PINK1: variants seen among roughly 807,000 people sequenced by gnomAD.
PINK1 encodes PTEN induced kinase 1.
A neutral mutation model predicts 56.0 loss-of-function variants in PINK1; 58 were observed. That is an observed-to-expected ratio of 1.04 (90% CI 0.84 to 1.29). The LOEUF (loss-of-function observed/expected upper bound fraction) is 1.29. Among genes scored for constraint, PINK1 ranks in the 50% most tolerant of loss-of-function variants. The probability of loss-of-function intolerance (pLI) is 0.00; values close to 1 mark genes in which losing one functional copy is unlikely to be tolerated. For missense variants in PINK1, 745 were observed against 777.9 expected (o/e 0.96, Z 0.50); for synonymous variants, 354 against 339.3 (o/e 1.04, Z -0.48).
intron 5 of PINK1, 63 bp downstream of exon 5, chr1:20,645,786 A>T (rs959462988): frequency 1.9e-5 from 31 of 1,598,372 alleles, no homozygotes; most frequent in Non-Finnish European, 2.5e-5. Flanking sequence ...AGGAGCATTT[A>T]GGACTGACTC....
chr1:20,644,381 G>GT, intron 3 of PINK1, 109 bp from the exon 4 acceptor site: 1 of 1,241,604 alleles, frequency 8.1e-7, no homozygotes. Flanking sequence ...ACATTTGATA[G>GT]TAAGTGAATA....
intron 4 of PINK1, 84 bp downstream of exon 4, chr1:20,644,756 CA>C (rs1288469843): frequency 4.6e-6 from 7 of 1,529,188 alleles, no homozygotes; most frequent in South Asian, 2.3e-5. Context: ...GCACCTTGAT[CA>C]GGGGGTTTTG....
rs1208579417 is a variant in PINK1 at position 20,651,472 on chromosome 1, A to AAATC, written c.*783_*786dup. On this transcript the variant is annotated 3_prime_UTR_variant, in exon 8 of 8. Coordinates refer to ENST00000321556, the MANE Select transcript of PINK1 (RefSeq NM_032409.3). ...CATGATTTTTAGGAAGCTATTGCCT[A>AAATC]AATCAGCGTCAACATGCAGTAAAGG... The AAATC allele has an allele frequency of 6.6e-6, 1 of 152,480 alleles. No homozygotes were observed. Among genetic ancestry groups the AAATC allele is most frequent in the Admixed American group, 6.5e-5 (1 of 15,294 alleles). 9.4% of individuals were successfully genotyped at this position (152,480 alleles called of 1,614,324 possible).
chr1:20,647,823 CTTTT>C (rs1219629408), intron 5 of PINK1, among the ~76,000 whole-genome samples: 1 of 148,062 alleles, frequency 6.8e-6, no homozygotes, highest in East Asian at 2.0e-4. Context: ...ATAACCAATT[CTTTT>C]TTTATTTTTT....
intron 1 of PINK1, among the ~76,000 whole-genome samples, chr1:20,637,012 G>A (rs545206460): frequency 6.6e-6 from 1 of 152,334 alleles, no homozygotes; most frequent in East Asian, 1.9e-4. Flanking sequence ...CTCAGAGCAG[G>A]GAAGGCACGG....
At chr1:20,637,321 G>A (rs1450425345) in intron 1 of PINK1, among the ~76,000 whole-genome samples, 2 of 152,114 alleles carry the variant, frequency 1.3e-5, no homozygotes, top group East Asian at 3.9e-4. Flanking sequence ...CTACCTTTCT[G>A]GACAGAGTAG....
intron 3 of PINK1, among the ~76,000 whole-genome samples, chr1:20,643,583 T>C (rs2053139958): frequency 6.6e-6 from 1 of 152,218 alleles, no homozygotes; most frequent in Admixed American, 6.5e-5. Context: ...TGCAAATCCA[T>C]GAGGACAGGG....
At chr1:20,647,337 T>G (rs2053196406) in intron 5 of PINK1, among the ~76,000 whole-genome samples, 1 of 151,504 alleles carries the variant, frequency 6.6e-6, no homozygotes, top group African/African-American at 2.4e-5. Flanking sequence ...GATTATTATT[T>G]TTAGTGGAGA....
intron 2 of PINK1, 118 bp downstream of exon 2, chr1:20,638,247 G>A (rs1448906908): frequency 2.4e-6 from 3 of 1,246,230 alleles, no homozygotes; most frequent in African/African-American, 1.5e-5. Context: ...CACAGGAAAG[G>A]TGCCTGTATA....
Position 20,645,738 on chromosome 1 carries a change from C to T in PINK1, c.1123+15C>T, listed in dbSNP as rs764566250. On this transcript the variant is annotated intron_variant, in intron 5 of 7. Coordinates refer to ENST00000321556, the MANE Select transcript of PINK1 (RefSeq NM_032409.3). ...GCTGGACCCAGGTAGGAACCTGCTG[C>T]ACCATCAGAGCTCTCCAGGGGCACT... is the stretch of plus-strand genomic sequence containing the variant. The T allele has an allele frequency of 1.9e-5, 30 of 1,613,994 alleles. 1 individual carries two copies. The highest frequency in any genetic ancestry group is 8.3e-5 in the Admixed American group (5 of 59,972).
In PINK1 at chr1:20,650,676, G is replaced by T. The variant is rs1377297630; in HGVS notation, c.1731G>T (p.Trp577Cys). ...LCQAALLLCSWRAAL is the reference protein window; with the variant it reads ...LCQAALLLCSCRAAL ...AGGCAGCCCTCCTCCTCTGCTCATG[G>T]AGGGCAGCCCTGTGATGTCCCTGCA... The change falls in exon 8 of 8, where the codon TGG becomes TGT. Residue 577 changes from tryptophan to cysteine, a missense_variant. By Grantham distance (215) the Trp-to-Cys change is radical. Transcript: ENST00000321556. 6.2e-7 allele frequency: 1 copy of T among 1,613,766 alleles called. No individual in the cohort carries two copies. Among genetic ancestry groups the T allele is most frequent in the Non-Finnish European group, 8.5e-7 (1 of 1,180,036 alleles).
intron 5 of PINK1, 129 bp from the exon 6 acceptor site, chr1:20,648,376 T>C: frequency 7.1e-7 from 1 of 1,415,040 alleles, no homozygotes; most frequent in Non-Finnish European, 9.7e-7. Context: ...CTTGCTGACC[T>C]CCTGGGCCAA....
chr1:20,634,521 G>T (rs2053036012), intron 1 of PINK1, among the ~76,000 whole-genome samples: 1 of 152,180 alleles, frequency 6.6e-6, no homozygotes, highest in South Asian at 2.1e-4. Context: ...GTTTTTTAAT[G>T]CTTAAAATAG....
At chr1:20,640,079 G>A (rs2053101052) in intron 3 of PINK1, 87 bp downstream of exon 3, 2 of 1,078,520 alleles carry the variant, frequency 1.9e-6, no homozygotes, top group Non-Finnish European at 2.8e-6. Context: ...CTGGTACAGT[G>A]TCTGATATGA....
At position 20,650,877 on chromosome 1, in the gene PINK1, C is replaced by T; in HGVS notation, c.*186C>T. On this transcript the variant is annotated 3_prime_UTR_variant, in exon 8 of 8. Coordinates refer to ENST00000321556, the MANE Select transcript of PINK1 (RefSeq NM_032409.3). ...AGAGTTCAGTCTGCAGTCCTCTGCT[C>T]ACAGACATCTGAAAAGTGAATGGCC... 4.1e-6 allele frequency: 3 copies of T among 739,730 alleles called. No individual in the cohort carries two copies. Among genetic ancestry groups the T allele is most frequent in the Non-Finnish European group, 4.5e-6 (2 of 448,908 alleles). The allele number at this position is 739,730 out of a possible 1,614,324, so 45.8% of individuals were successfully genotyped here. A position where few individuals can be genotyped will look rare whatever the true frequency, so the allele number is the denominator to read the frequency against.
rs71585775 is a variant in PINK1 at position 20,647,053 on chromosome 1, A to ATTT, written c.1123+1349_1123+1351dup. On this transcript the variant is annotated intron_variant, in intron 5 of 7. Coordinates refer to ENST00000321556, the MANE Select transcript of PINK1 (RefSeq NM_032409.3). Reference sequence around the variant, plus strand: ...TGCCACCACGCCTAGCTAATTTTTGATTTTTTTTTTTTTTTTTTTTTGAGA... The same window carrying ATTT: ...TGCCACCACGCCTAGCTAATTTTTGATTTTTTTTTTTTTTTTTTTTTTTTGAGA... Among the ~76,000 whole-genome samples the ATTT allele has an allele frequency of 8.3e-3, 763 of 91,428 alleles. 40 individuals carry two copies. The highest frequency in any genetic ancestry group is 0.03 in the African/African-American group (712 of 23,418). 60.0% of individuals were successfully genotyped at this position (91,428 alleles called of 152,430 possible).
In PINK1 at chr1:20,633,596, G is replaced by C. The variant is rs2053014692; in HGVS notation, c.48G>C (p.Ala16=). The C allele has an allele frequency of 8.0e-7, 1 of 1,248,338 alleles. No homozygotes were observed. The highest frequency in any genetic ancestry group is 1.6e-5 in the African/African-American group (1 of 63,382). 77.3% of individuals were successfully genotyped at this position (1,248,338 alleles called of 1,614,324 possible). The change falls in exon 1 of 8, where the codon GCG becomes GCC. Residue 16 remains alanine (A), a synonymous_variant. Coordinates refer to ENST00000321556, the MANE Select transcript of PINK1 (RefSeq NM_032409.3). The part of the protein sequence containing the change: ...ALGRGLQLGR[A]LLLRFTGKPG... ...GCCGCGGCCTGCAGCTGGGTCGAGC[G>C]CTGCTGCTGCGCTTCACGGGCAAGC...
Position 20,650,783 on chromosome 1 carries a change from CAA to C in PINK1, c.*93_*94del. The C allele has an allele frequency of 2.0e-6, 3 of 1,517,694 alleles. No homozygotes were observed. Among genetic ancestry groups the C allele is most frequent in the Non-Finnish European group, 2.7e-6 (3 of 1,124,150 alleles). The allele number at this position is 1,517,694 out of a possible 1,614,324, so 94.0% of individuals were successfully genotyped here. ...AATGGTGAGGGTGGGAGTCAGGAGACAAGACAGCGCAGAGAGGGCTGGTTAGC... is the reference window on the plus strand; with the variant it reads ...AATGGTGAGGGTGGGAGTCAGGAGACGACAGCGCAGAGAGGGCTGGTTAGC... On this transcript the variant is annotated 3_prime_UTR_variant, in exon 8 of 8. Transcript: ENST00000321556.
At chr1:20,645,253 C>T (rs926061773) in intron 4 of PINK1, among the ~76,000 whole-genome samples, 9 of 152,098 alleles carry the variant, frequency 5.9e-5, no homozygotes, top group South Asian at 2.1e-4. Context: ...CTTTGGAAGG[C>T]GGAGGTGGGT....
Sources: allele counts gnomAD v4.1 joint callset (sites outside exome capture counted in the v4.1 genomes callset), GRCh38; gene constraint gnomAD v4.1.1; transcripts MANE v1.5; gene names NCBI Gene and HGNC (gene_info 2026-07-23, HGNC 2026-07-21).